ARMC2: variants seen among roughly 807,000 people sequenced by gnomAD.
The protein encoded by ARMC2 is armadillo repeat containing 2.
Under a neutral mutation model 90.3 loss-of-function variants are expected in ARMC2, and 67 were observed. The observed-to-expected ratio is 0.74, with a 90% CI of 0.61 to 0.91. ARMC2 has a LOEUF of 0.91. Among genes scored for constraint, ARMC2 ranks in the 40% least tolerant of loss-of-function variants. The pLI is 0.00. For missense variants in ARMC2, 920 were observed against 1,030.9 expected (o/e 0.89, Z 1.47); for synonymous variants, 393 against 393.0 (o/e 1.00, Z 0.00).
intron 12 of ARMC2, among the ~76,000 whole-genome samples, chr6:108,945,726 G>T (rs1776758987): frequency 6.6e-6 from 1 of 152,252 alleles, no homozygotes; most frequent in South Asian, 2.1e-4. Flanking sequence ...AGAAATGAGA[G>T]CTGGAATGTC....
At chr6:108,952,997 C>G in intron 12 of ARMC2, 36 bp from the exon 13 acceptor site, 1 of 1,548,566 alleles carries the variant, frequency 6.5e-7, no homozygotes, top group Non-Finnish European at 8.8e-7. Context: ...TTCCAGCCCC[C>G]TTTGCACTTT....
the ARMC2 span, among the ~76,000 whole-genome samples, chr6:109,026,608 G>A: frequency 2.6e-5 from 4 of 152,086 alleles, no homozygotes; most frequent in South Asian, 6.2e-4. Flanking sequence ...CGGTTCAAGC[G>A]ATTCTCCTGC....
chr6:109,036,302 C>G, the ARMC2 span, among the ~76,000 whole-genome samples: 3 of 152,298 alleles, frequency 2.0e-5, no homozygotes, highest in East Asian at 5.8e-4. Flanking sequence ...TGTGGGTTGG[C>G]TTTACGATTT....
intron 11 of ARMC2, among the ~76,000 whole-genome samples, chr6:108,929,016 G>T (rs1775320094): frequency 6.6e-6 from 1 of 152,016 alleles, no homozygotes; most frequent in Non-Finnish European, 1.5e-5. Context: ...TAGATTAAAT[G>T]GTACACAGGT....
At chr6:108,950,202 T>C (rs572298517) in intron 12 of ARMC2, among the ~76,000 whole-genome samples, 178 of 152,092 alleles carry the variant, frequency 1.2e-3, no homozygotes, top group African/African-American at 4.2e-3. Context: ...CAATACTCTG[T>C]CTCAAAAACA....
chr6:108,962,066 G>A lies in ARMC2; in HGVS notation c.2091G>A (p.Val697=). 6.2e-7 allele frequency: 1 copy of A among 1,613,606 alleles called. No homozygotes were observed. Among genetic ancestry groups the A allele is most frequent in the Non-Finnish European group, 8.5e-7 (1 of 1,179,778 alleles). Residue 697 remains valine (V), a synonymous_variant, in exon 15 of 18, where the codon GTG becomes GTA. Coordinates refer to ENST00000392644, the MANE Select transcript of ARMC2 (RefSeq NM_032131.6). Reference sequence around the variant, plus strand: ...ACATGGATGGAATCCTGGAGGCTGTGCGTGTTTTCGGAAATCTCTCCCAGG... The same window carrying A: ...ACATGGATGGAATCCTGGAGGCTGTACGTGTTTTCGGAAATCTCTCCCAGG... ...SNNMDGILEA[V]RVFGNLSQDH... is the part of the protein sequence containing the mutation.
chr6:108,994,471 A>C, the ARMC2 span: 1 of 1,611,794 alleles, frequency 6.2e-7, no homozygotes, highest in Non-Finnish European at 8.5e-7. Flanking sequence ...CCTGAAGAGA[A>C]GACAAACATA....
intron 1 of ARMC2, among the ~76,000 whole-genome samples, chr6:108,853,645 G>C (rs188058068): frequency 6.6e-6 from 1 of 152,246 alleles, no homozygotes; most frequent in East Asian, 1.9e-4. Flanking sequence ...TCAGGAAGGG[G>C]TGTTGGGAAA....
chr6:108,886,453 C>T (rs1332142399), intron 5 of ARMC2, among the ~76,000 whole-genome samples: 1 of 152,152 alleles, frequency 6.6e-6, no homozygotes, highest in African/African-American at 2.4e-5. Flanking sequence ...CCTGTAATCC[C>T]AACTACTTTT....
chr6:108,906,425 T>C lies in ARMC2; in HGVS notation c.1023+2020T>C, dbSNP rs558852320. ...CTTTAAATAGAATAAACTACTGTTTTTAACATAAGAAGAAAACTACCCTAC... is the reference window on the plus strand; with the variant it reads ...CTTTAAATAGAATAAACTACTGTTTCTAACATAAGAAGAAAACTACCCTAC... On this transcript the variant is annotated intron_variant, in intron 8 of 17. Coordinates refer to ENST00000392644, the MANE Select transcript of ARMC2 (RefSeq NM_032131.6). Among the ~76,000 whole-genome samples the C allele has an allele frequency of 2.6e-5, 4 of 152,286 alleles. No homozygotes were observed. The South Asian group carries it at 8.3e-4, about 32-fold the overall frequency.
At chr6:109,037,491 A>G in the ARMC2 span, among the ~76,000 whole-genome samples, 1 of 152,302 alleles carries the variant, frequency 6.6e-6, no homozygotes, top group African/African-American at 2.4e-5. Context: ...ACACAATGCA[A>G]TTATTAATAT....
the ARMC2 span, among the ~76,000 whole-genome samples, chr6:109,045,165 G>A: frequency 6.6e-6 from 1 of 152,020 alleles, no homozygotes; most frequent in Non-Finnish European, 1.5e-5. Flanking sequence ...GCCTAGCTAG[G>A]CTCCTCTGAC....
the ARMC2 span, among the ~76,000 whole-genome samples, chr6:109,026,697 G>C: frequency 6.6e-6 from 1 of 151,928 alleles, no homozygotes; most frequent in Non-Finnish European, 1.5e-5. Context: ...TAGCGACGGG[G>C]TTTCACCATG....
the ARMC2 span, chr6:108,988,564 C>T: frequency 7.5e-6 from 12 of 1,610,518 alleles, no homozygotes; most frequent in African/African-American, 1.2e-4. Flanking sequence ...GCTTGAACTG[C>T]CTCCAGAAGC....
At chr6:108,906,619 C>T (rs2768567) in intron 8 of ARMC2, among the ~76,000 whole-genome samples, 111,746 of 151,854 alleles carry the variant, frequency 0.74, 41,532 homozygotes, top group Middle Eastern at 0.81. Context: ...GAGCTTAGGA[C>T]CACAGGCATG....
intron 11 of ARMC2, among the ~76,000 whole-genome samples, chr6:108,932,538 T>TTTC (rs1775643624): frequency 7.2e-6 from 1 of 139,330 alleles, no homozygotes; most frequent in South Asian, 2.4e-4. Flanking sequence ...TTTTTTTTTT[T>TTTC]TTTTTGTTGA....
intron 3 of ARMC2, among the ~76,000 whole-genome samples, chr6:108,867,439 G>A (rs1424186677): frequency 6.6e-6 from 1 of 152,132 alleles, no homozygotes; most frequent in Admixed American, 6.5e-5. Context: ...AAAAAATAGG[G>A]AGTATCAGCA....
At chr6:108,958,157 A>AT (rs902417642) in intron 13 of ARMC2, among the ~76,000 whole-genome samples, 10 of 152,126 alleles carry the variant, frequency 6.6e-5, no homozygotes, top group Admixed American at 2.0e-4. Context: ...TGGGGACCTC[A>AT]TGCTGGAGTT....
Position 108,964,855 on chromosome 6 carries a change from A to G in ARMC2, c.2286-125A>G, listed in dbSNP as rs1778253470. On this transcript the variant is annotated intron_variant, in intron 16 of 17. Coordinates refer to ENST00000392644, the MANE Select transcript of ARMC2 (RefSeq NM_032131.6). Reference sequence around the variant, plus strand: ...AACCACTTAAATTTATAGATAAGGAATTATTTTAAGTGATCACTGGATTAT... The same window carrying G: ...AACCACTTAAATTTATAGATAAGGAGTTATTTTAAGTGATCACTGGATTAT... 4.1e-6 allele frequency: 3 copies of G among 735,830 alleles called. No homozygotes were observed. In the East Asian group the frequency reaches 7.5e-5, roughly 18 times the overall value. The allele number at this position is 735,830 out of a possible 1,614,324, so 45.6% of individuals were successfully genotyped here.
Sources: allele counts gnomAD v4.1 joint callset (sites outside exome capture counted in the v4.1 genomes callset), GRCh38; gene constraint gnomAD v4.1.1; transcripts MANE v1.5; gene names NCBI Gene and HGNC (gene_info 2026-07-23, HGNC 2026-07-21).